The following SPTBN1 variants were observed in gnomAD, a reference collection of about 807,000 sequenced individuals.
SPTBN1 encodes spectrin beta chain, non-erythrocytic 1.
SPTBN1 carries 32 observed loss-of-function variants against 266.4 expected under a neutral mutation model. The ratio of observed to expected loss-of-function variants is 0.12; its 90% confidence interval spans 0.09 to 0.16. The LOEUF (loss-of-function observed/expected upper bound fraction) is 0.16. Ranked by LOEUF, SPTBN1 falls within the 10% of genes least tolerant of loss-of-function variation. The pLI is 1.00. For synonymous variants in SPTBN1, 1,336 were observed against 1,162.2 expected (o/e 1.15, Z -3.04); for missense variants, 2,296 against 3,067.1 (o/e 0.75, Z 5.94).
In SPTBN1 at chr2:54,593,361, G is replaced by C. The variant is rs533469853; in HGVS notation, c.149-5731G>C. Among the ~76,000 whole-genome samples the C allele has an allele frequency of 6.1e-4, 93 of 152,286 alleles. 2 individuals carry two copies. The South Asian group carries it at 0.019, about 31-fold the overall frequency. On this transcript the variant is annotated intron_variant, in intron 2 of 35. Coordinates refer to ENST00000356805, the MANE Select transcript of SPTBN1 (RefSeq NM_003128.3). ...TGTCTCCCACCCCTGTCATGTCACAGAGACAGCCTCACCACGTTCCTCCCA... is the reference window on the plus strand; with the variant it reads ...TGTCTCCCACCCCTGTCATGTCACACAGACAGCCTCACCACGTTCCTCCCA...
chr2:54,511,997 G>A (rs1380434166), intron 1 of SPTBN1, among the ~76,000 whole-genome samples: 1 of 152,172 alleles, frequency 6.6e-6, no homozygotes, highest in Non-Finnish European at 1.5e-5. Flanking sequence ...CAGATCGTCT[G>A]GCGTTAGATT....
chr2:54,507,055 G>A (rs147370909), intron 1 of SPTBN1, among the ~76,000 whole-genome samples: 2 of 152,176 alleles, frequency 1.3e-5, no homozygotes, highest in Admixed American at 6.5e-5. Flanking sequence ...GCAGGGGGTG[G>A]ATCTCACAAA....
chr2:54,524,549 C>G (rs1008601510), intron 1 of SPTBN1, among the ~76,000 whole-genome samples: 1 of 152,210 alleles, frequency 6.6e-6, no homozygotes, highest in Non-Finnish European at 1.5e-5. Flanking sequence ...CAGAGCTGCA[C>G]CGCCATCATT....
chr2:54,581,948 T>C (rs1336102381), intron 2 of SPTBN1, among the ~76,000 whole-genome samples: 1 of 152,182 alleles, frequency 6.6e-6, no homozygotes, highest in Non-Finnish European at 1.5e-5. Context: ...TTCATTCTTC[T>C]GTAGCTGCAG....
intron 7 of SPTBN1, among the ~76,000 whole-genome samples, chr2:54,619,819 C>A (rs1244558556): frequency 1.3e-5 from 2 of 152,164 alleles, no homozygotes; most frequent in Non-Finnish European, 2.9e-5. Flanking sequence ...CTGGCCCTCA[C>A]AACCACGGGC....
intron 32 of SPTBN1, chr2:54,661,384 A>G (rs1234626430): frequency 2.0e-6 from 2 of 985,662 alleles, no homozygotes; most frequent in East Asian, 1.1e-4. Context: ...ACCTGTTTTG[A>G]TATGTGTTCT....
chr2:54,593,823 C>CTT (rs374877354), intron 2 of SPTBN1, among the ~76,000 whole-genome samples: 1,835 of 64,742 alleles, frequency 0.028, 330 homozygotes, highest in African/African-American at 0.09. Flanking sequence ...CATGGAAACA[C>CTT]TTTTTTTTTT....
At chr2:54,539,730 C>T (rs916731260) in intron 2 of SPTBN1, among the ~76,000 whole-genome samples, 2 of 152,064 alleles carry the variant, frequency 1.3e-5, no homozygotes, top group Non-Finnish European at 2.9e-5. Flanking sequence ...TTGGTGGAGA[C>T]GAATTTTGGC....
intron 33 of SPTBN1, 105 bp from the exon 34 acceptor site, chr2:54,665,810 C>T (rs147128412): frequency 6.7e-6 from 9 of 1,352,310 alleles, no homozygotes; most frequent in South Asian, 2.9e-5. Context: ...TGGGGTCACA[C>T]TGTGTTGTGT....
At position 54,573,904 on chromosome 2, in the gene SPTBN1, G is replaced by C. The variant is rs117894253; in HGVS notation, c.149-25188G>C. ...TTTGAATGGATGTATTTATGGGAGG[G>C]GGGTGCTTTGTACACCTGCAAAACA... On this transcript the variant is annotated intron_variant, in intron 2 of 35. Coordinates refer to ENST00000356805, the MANE Select transcript of SPTBN1 (RefSeq NM_003128.3). 1.0e-3 allele frequency among the ~76,000 whole-genome samples: 146 copies of C among 144,114 alleles called. 1 individual carries two copies. Among genetic ancestry groups the C allele is most frequent in the African/African-American group, 4.1e-3 (144 of 35,514 alleles). The allele number at this position is 144,114 out of a possible 152,430, so 94.5% of individuals were successfully genotyped here.
At position 54,626,136 on chromosome 2, in the gene SPTBN1, C is replaced by T; in HGVS notation, c.1546C>T (p.Leu516=). 6.2e-7 allele frequency: 1 copy of T among 1,614,238 alleles called. No individual in the cohort carries two copies. The highest frequency in any genetic ancestry group is 8.5e-7 in the Non-Finnish European group (1 of 1,180,044). The change falls in exon 12 of 36, where the codon CTG becomes TTG. Residue 516 remains leucine, a synonymous_variant. Transcript: ENST00000356805. The surrounding 1 kb of genome is among the most constrained non-coding windows in gnomAD (Gnocchi z 4.7). ...VIRLWEYLLE[L]LRARRQRLEM... ...CCGGCTCTGGGAATACCTACTGGAACTGCTCAGGGCCCGGAGACAGCGGCT... is the reference window on the plus strand; with the variant it reads ...CCGGCTCTGGGAATACCTACTGGAATTGCTCAGGGCCCGGAGACAGCGGCT...
At chr2:54,459,707 C>G (rs1448631110) in intron 1 of SPTBN1, among the ~76,000 whole-genome samples, 2 of 152,016 alleles carry the variant, frequency 1.3e-5, no homozygotes, top group Non-Finnish European at 2.9e-5. Flanking sequence ...TAGTTTCTTT[C>G]ACTACATTAT....
At chr2:54,536,374 C>G (rs962241310) in intron 2 of SPTBN1, among the ~76,000 whole-genome samples, 1 of 152,146 alleles carries the variant, frequency 6.6e-6, no homozygotes, top group Non-Finnish European at 1.5e-5. Flanking sequence ...TTTATTTAAC[C>G]TCCATCTTCA....
At chr2:54,603,694 T>C (rs548836135) in intron 3 of SPTBN1, among the ~76,000 whole-genome samples, 5 of 152,324 alleles carry the variant, frequency 3.3e-5, no homozygotes, top group South Asian at 2.1e-4. Flanking sequence ...GGGAGGAGTT[T>C]GGGGACTAGT....
intron 1 of SPTBN1, among the ~76,000 whole-genome samples, chr2:54,467,125 A>G (rs575438741): frequency 2.2e-4 from 33 of 149,950 alleles, no homozygotes; most frequent in African/African-American, 7.4e-4. Context: ...TCAGGGATAC[A>G]TTTTGTTCTA....
At chr2:54,593,768 C>A (rs372433842) in intron 2 of SPTBN1, among the ~76,000 whole-genome samples, 1 of 140,496 alleles carries the variant, frequency 7.1e-6, no homozygotes, top group Admixed American at 7.3e-5. Context: ...TAAGGACTTG[C>A]GTTAGTTAGG....
At chr2:54,634,627 C>T (rs1307472411) in intron 17 of SPTBN1, among the ~76,000 whole-genome samples, 1 of 152,228 alleles carries the variant, frequency 6.6e-6, no homozygotes, top group East Asian at 1.9e-4. Context: ...AAAACACACA[C>T]ATCTGTGAGT....
At chr2:54,489,151 TAAAAAA>T (rs66488966) in intron 1 of SPTBN1, among the ~76,000 whole-genome samples, 2 of 116,106 alleles carry the variant, frequency 1.7e-5, no homozygotes, top group African/African-American at 7.0e-5. Context: ...GGTCTGTATT[TAAAAAA>T]AAAAAAAAAA....
intron 1 of SPTBN1, among the ~76,000 whole-genome samples, chr2:54,504,911 GA>G (rs2104152978): frequency 6.6e-6 from 1 of 152,294 alleles, no homozygotes; most frequent in East Asian, 1.9e-4. Flanking sequence ...GCTGTTTTGA[GA>G]ACTTTTTGCT....
Sources: gnomAD v4.1 joint callset for allele counts (sites outside exome capture counted in the v4.1 genomes callset) on GRCh38, gnomAD v4.1.1 for gene constraint, Gnocchi (gnomAD v3.1) non-coding constraint, MANE v1.5 for transcripts, NCBI Gene and HGNC (gene_info 2026-07-23, HGNC 2026-07-21) for gene names.